CPAMD8: variants seen among roughly 807,000 people sequenced by gnomAD.
CPAMD8 encodes the protein C3 and PZP like alpha-2-macroglobulin domain containing 8, also known as C3 and PZP-like alpha-2-macroglobulin domain-containing protein 8.
Under a neutral mutation model 224.7 loss-of-function variants are expected in CPAMD8, and 146 were observed. That is an observed-to-expected ratio of 0.65 (90% CI 0.57 to 0.75). CPAMD8 has a LOEUF of 0.75. Ranked by LOEUF, CPAMD8 falls within the 30% of genes least tolerant of loss-of-function variation. The pLI, the probability that CPAMD8 is intolerant of heterozygous loss-of-function variation, is 0.00. For synonymous variants in CPAMD8, 966 were observed against 1,044.6 expected (o/e 0.92, Z 1.45); for missense variants, 2,301 against 2,537.5 (o/e 0.91, Z 2.00).
At chr19:16,935,895 T>C (rs1263097889) in intron 23 of CPAMD8, among the ~76,000 whole-genome samples, 2 of 152,164 alleles carry the variant, frequency 1.3e-5, no homozygotes, top group African/African-American at 4.8e-5. Flanking sequence ...AGTGGTCCAC[T>C]TTCTCCACAT....
At position 17,011,642 on chromosome 19, in the gene CPAMD8, G is replaced by A; in HGVS notation, c.383C>T (p.Ala128Val). 6.2e-7 allele frequency: 1 copy of A among 1,614,158 alleles called. No individual in the cohort carries two copies. The highest frequency in any genetic ancestry group is 8.5e-7 in the Non-Finnish European group (1 of 1,180,016). The change falls in exon 4 of 42, where the codon GCT becomes GTT. Residue 128 changes from alanine (A) to valine (V), a missense_variant. Ala to Val is a moderately conservative substitution (Grantham distance 64). Coordinates refer to ENST00000443236, the MANE Select transcript of CPAMD8 (RefSeq NM_015692.5). ...CTTGTCCGTCTGGATGAATACAGAAGCGCCCCGGCCGTCCACGGTCACCGA... is the reference window on the plus strand; with the variant it reads ...CTTGTCCGTCTGGATGAATACAGAAACGCCCCGGCCGTCCACGGTCACCGA... ...QTSVTVDGRGASVFIQTDKPV... is the reference protein window; with the variant it reads ...QTSVTVDGRGVSVFIQTDKPV...
intron 7 of CPAMD8, among the ~76,000 whole-genome samples, chr19:17,008,039 T>C (rs903953915): frequency 1.3e-5 from 2 of 152,146 alleles, no homozygotes; most frequent in Non-Finnish European, 2.9e-5. Flanking sequence ...CGTGGTGCCA[T>C]GCACCTGTAA....
intron 20 of CPAMD8, among the ~76,000 whole-genome samples, chr19:16,949,476 G>C (rs1384272148): frequency 6.6e-6 from 1 of 152,120 alleles, no homozygotes; most frequent in Non-Finnish European, 1.5e-5. Flanking sequence ...TAAAGGTTGG[G>C]ACTGAAGCTA....
intron 7 of CPAMD8, among the ~76,000 whole-genome samples, chr19:17,006,552 A>T (rs940466346): frequency 1.8e-4 from 28 of 151,956 alleles, no homozygotes; most frequent in African/African-American, 5.5e-4. Context: ...AAAACTTTTT[A>T]AAAAAAGATC....
chr19:16,973,313 C>T (rs567881787), intron 17 of CPAMD8, among the ~76,000 whole-genome samples: 40 of 152,240 alleles, frequency 2.6e-4, no homozygotes, highest in African/African-American at 8.4e-4. Flanking sequence ...ATAAAAGCAA[C>T]ACAGGTTGGG....
chr19:17,008,360 T>A, intron 7 of CPAMD8, 145 bp downstream of exon 7: 3 of 1,007,008 alleles, frequency 3.0e-6, no homozygotes, highest in Non-Finnish European at 1.5e-6. Context: ...CCCAGGTGGG[T>A]ACCTGCCCTC....
rs1320211416 is a variant in CPAMD8 at position 16,980,488 on chromosome 19, C to T, written c.1585+9G>A. ...AGAACAGGAACCTTCTCCCTGCTGC[C>T]CGGCTCACCTGTCTCAGAAAGGTGT... is the stretch of plus-strand genomic sequence containing the variant. On this transcript the variant is annotated intron_variant, in intron 14 of 41. Coordinates refer to ENST00000443236, the MANE Select transcript of CPAMD8 (RefSeq NM_015692.5). The T allele has an allele frequency of 1.2e-6, 2 of 1,611,024 alleles. No individual in the cohort carries two copies.
At position 17,004,379 on chromosome 19, in the gene CPAMD8, G is replaced by A. The variant is rs1183732501; in HGVS notation, c.567C>T (p.Thr189=). The change falls in exon 8 of 42, where the codon ACC becomes ACT. Residue 189 remains threonine, a synonymous_variant. Transcript: ENST00000443236. The part of the protein sequence containing the change: ...RHLKPFCCGI[T]NMSFPLSDQP... Reference sequence around the variant, plus strand: ...GGTCGGACAAGGGGAAGCTCATGTTGGTGATGCCTGTGTGAAGAGAGAGGG... The same window carrying A: ...GGTCGGACAAGGGGAAGCTCATGTTAGTGATGCCTGTGTGAAGAGAGAGGG... 6.2e-7 allele frequency: 1 copy of A among 1,609,582 alleles called. No individual in the cohort carries two copies. Among genetic ancestry groups the A allele is most frequent in the Non-Finnish European group, 8.5e-7 (1 of 1,176,152 alleles).
At chr19:16,912,129 T>G (rs1235957598) in intron 29 of CPAMD8, among the ~76,000 whole-genome samples, 1 of 152,170 alleles carries the variant, frequency 6.6e-6, no homozygotes, top group East Asian at 1.9e-4. Flanking sequence ...CATTATATAT[T>G]ATAATGTAAT....
rs969156882 is a variant in CPAMD8 at position 16,921,891 on chromosome 19, C to T, written c.3629+14G>A. On this transcript the variant is annotated intron_variant, in intron 27 of 41. Coordinates refer to ENST00000443236, the MANE Select transcript of CPAMD8 (RefSeq NM_015692.5). ...GGAGCCTCAGAGGCAATGCCCAGGG[C>T]GGTGGGGACTCACCACATGCTCCCC... 47 of 1,527,366 alleles carry T rather than the reference C, an allele frequency of 3.1e-5. No homozygotes were observed. Among genetic ancestry groups the T allele is most frequent in the East Asian group, 1.7e-4 (7 of 40,834 alleles). 94.6% of individuals were successfully genotyped at this position (1,527,366 alleles called of 1,614,324 possible). A position where few individuals can be genotyped will look rare whatever the true frequency, so the allele number is the denominator to read the frequency against.
At position 16,925,235 on chromosome 19, in the gene CPAMD8, G is replaced by A. The variant is rs1299517216; in HGVS notation, c.3508C>T (p.Pro1170Ser). 17 of 1,614,016 alleles carry A rather than the reference G, an allele frequency of 1.1e-5. No homozygotes were observed. Among genetic ancestry groups the A allele is most frequent in the Non-Finnish European group, 1.4e-5 (17 of 1,180,042 alleles). The change falls in exon 26 of 42, where the codon CCT becomes TCT. Residue 1170 changes from proline to serine, a missense_variant. By Grantham distance (74) the Pro-to-Ser change is moderately conservative (BLOSUM62 -1). This residue lies in a region of CPAMD8 where 1,709 missense variants were observed against 1,753.2 expected (regional missense o/e 0.97). Transcript: ENST00000443236. ...TCGGTGGTCTCTCTCTCCACCTCAG[G>A]GCTGAGCTGCTGGGTTTTCTGAAGA... ...KYLQKTQQLS[P>S]EVERETTDYL...
At position 16,977,402 on chromosome 19, in the gene CPAMD8, A is replaced by C; in HGVS notation, c.1724T>G (p.Leu575Arg). The C allele has an allele frequency of 6.2e-7, 1 of 1,612,666 alleles. No homozygotes were observed. Among genetic ancestry groups the C allele is most frequent in the South Asian group, 1.1e-5 (1 of 91,022 alleles). ...RENGEGVADS[L>R]QFAVETFFEN... ...GAAGAAGGTCTCGACTGCAAACTGA[A>C]GGCTGTCGGCGACCCCTTCTCCATT... is the stretch of plus-strand genomic sequence containing the variant. The change falls in exon 15 of 42, where the codon CTT (leucine) becomes CGT (arginine). Residue 575 changes from leucine to arginine, a missense_variant. Leu to Arg is a moderately radical substitution (Grantham distance 102, BLOSUM62 -2). Around this residue, in one of 4 missense-constraint regions of CPAMD8, gnomAD observed 301 missense variants for 406.6 expected, o/e 0.74. Coordinates refer to ENST00000443236, the MANE Select transcript of CPAMD8 (RefSeq NM_015692.5).
Position 17,011,746 on chromosome 19 carries a change from GC to G in CPAMD8, c.278del (p.Gly93AlafsTer8), listed in dbSNP as rs1252726310. 9.3e-6 allele frequency: 15 copies of G among 1,613,266 alleles called. No homozygotes were observed. The highest frequency in any genetic ancestry group is 1.3e-5 in the Non-Finnish European group (15 of 1,179,778). On this transcript the variant is annotated frameshift_variant, in exon 4 of 42. Coordinates refer to ENST00000443236, the MANE Select transcript of CPAMD8 (RefSeq NM_015692.5). LOFTEE classifies it high-confidence loss of function. ...KGTIKLKVPT[G>X]LRGQALLKVW... is the part of the protein sequence containing the mutation. ...CTTTCAGAAGCGCTTGGCCCCGGAG[GC>G]CCGTGGGCACCTGCAGGCAGAGGAA...
At chr19:17,005,360 G>T (rs577653779) in intron 7 of CPAMD8, among the ~76,000 whole-genome samples, 1 of 152,184 alleles carries the variant, frequency 6.6e-6, no homozygotes, top group South Asian at 2.1e-4. Flanking sequence ...ATGTCCCCTG[G>T]GGGCAGAATC....
intron 3 of CPAMD8, 152 bp downstream of exon 3, chr19:17,020,179 G>T (rs2056918500): frequency 3.1e-6 from 2 of 646,614 alleles, no homozygotes; most frequent in Non-Finnish European, 5.7e-6. Context: ...TCACCATGTT[G>T]CCCAGGCTGA....
At chr19:16,943,572 A>G (rs1311558227) in intron 22 of CPAMD8, among the ~76,000 whole-genome samples, 2 of 151,948 alleles carry the variant, frequency 1.3e-5, no homozygotes, top group Non-Finnish European at 2.9e-5. Flanking sequence ...CCAGCCCTTC[A>G]CTCCATTTCA....
intron 11 of CPAMD8, among the ~76,000 whole-genome samples, chr19:16,994,918 C>T (rs575224927): frequency 6.6e-5 from 10 of 152,296 alleles, no homozygotes; most frequent in South Asian, 2.1e-4. Context: ...CCTCTTGCCT[C>T]GGCCTCCCAA....
At chr19:16,920,066 G>A (rs575383323) in intron 27 of CPAMD8, among the ~76,000 whole-genome samples, 11 of 152,284 alleles carry the variant, frequency 7.2e-5, no homozygotes, top group South Asian at 2.1e-4. Flanking sequence ...ACTGCCCTGC[G>A]CTCACTGCCT....
chr19:16,998,614 C>G (rs555542667), intron 10 of CPAMD8, among the ~76,000 whole-genome samples: 1 of 152,130 alleles, frequency 6.6e-6, no homozygotes, highest in South Asian at 2.1e-4. Context: ...GCTTAATGTC[C>G]GGGCACCTAC....
Sources: gnomAD v4.1 joint callset for allele counts (sites outside exome capture counted in the v4.1 genomes callset) on GRCh38, gnomAD v4.1.1 for gene constraint, gnomAD v4.1.1 regional missense constraint, MANE v1.5 for transcripts, NCBI Gene and HGNC (gene_info 2026-07-23, HGNC 2026-07-21) for gene names.